The following FOXP2 variants were observed in gnomAD, a reference collection of about 807,000 sequenced individuals.
The protein encoded by FOXP2 is forkhead box P2.
FOXP2 carries 12 observed loss-of-function variants against 115.8 expected under a neutral mutation model. That is an observed-to-expected ratio of 0.10 (90% CI 0.07 to 0.17). The LOEUF is 0.17. FOXP2 is among the 10% of genes least tolerant of loss of function. The probability of loss-of-function intolerance (pLI) is 1.00; values close to 1 mark genes in which losing one functional copy is unlikely to be tolerated. For missense variants in FOXP2, 629 were observed against 843.5 expected, an observed-to-expected ratio of 0.75 and a Z score of 3.15; for synonymous variants, 328 against 297.7, an observed-to-expected ratio of 1.10 and a Z score of -1.05.
chr7:114,539,334 C>G (rs942296922), intron 3 of FOXP2, among the ~76,000 whole-genome samples: 1 of 151,672 alleles, frequency 6.6e-6, no homozygotes, highest in African/African-American at 2.4e-5. Flanking sequence ...ATTTCTTTTT[C>G]AATATTACTT....
At chr7:114,177,964 C>A (rs1793361431) in intron 1 of FOXP2, among the ~76,000 whole-genome samples, 1 of 151,904 alleles carries the variant, frequency 6.6e-6, no homozygotes, top group African/African-American at 2.4e-5. Flanking sequence ...TTCCTCTTTC[C>A]CCCTAGCATC....
At chr7:114,387,230 C>A (rs1562898615) in intron 2 of FOXP2, among the ~76,000 whole-genome samples, 1 of 152,110 alleles carries the variant, frequency 6.6e-6, no homozygotes, top group African/African-American at 2.4e-5. Context: ...TTTGATAACA[C>A]CTGTATTTTG....
intron 2 of FOXP2, among the ~76,000 whole-genome samples, chr7:114,479,690 TG>T (rs1796437784): frequency 6.6e-6 from 1 of 151,626 alleles, no homozygotes; most frequent in Admixed American, 6.6e-5. Context: ...TTGAAATTTT[TG>T]TAAGTATACA....
At chr7:114,093,817 A>C (rs1011279073) in intron 1 of FOXP2, among the ~76,000 whole-genome samples, 2 of 152,034 alleles carry the variant, frequency 1.3e-5, no homozygotes. Flanking sequence ...ATAACACTTA[A>C]ATTTTGAAAG....
intron 1 of FOXP2, among the ~76,000 whole-genome samples, chr7:114,138,413 A>G (rs556634901): frequency 1.7e-3 from 249 of 149,976 alleles, no homozygotes; most frequent in African/African-American, 5.8e-3. Context: ...TTTTTTTGAA[A>G]CAGAGTCTCA....
intron 8 of FOXP2, among the ~76,000 whole-genome samples, chr7:114,648,710 TACTA>T (rs1806058436): frequency 6.6e-6 from 1 of 152,140 alleles, no homozygotes. Context: ...ATCTAGTTGA[TACTA>T]CCTACCTAAC....
intron 1 of FOXP2, among the ~76,000 whole-genome samples, chr7:114,214,817 A>G (rs1009413070): frequency 6.6e-6 from 1 of 152,200 alleles, no homozygotes; most frequent in East Asian, 1.9e-4. Context: ...CCTAGGGAGC[A>G]AAACAACTCT....
chr7:114,112,929 T>TA, intron 1 of FOXP2, among the ~76,000 whole-genome samples: 1 of 152,266 alleles, frequency 6.6e-6, no homozygotes, highest in East Asian at 1.9e-4. Flanking sequence ...GTTGTCTTCA[T>TA]AAAGAGTGAC....
At chr7:114,271,967 T>C (rs1796067715) in intron 1 of FOXP2, among the ~76,000 whole-genome samples, 1 of 133,442 alleles carries the variant, frequency 7.5e-6, no homozygotes, top group Non-Finnish European at 1.6e-5. Context: ...ATATTAATTA[T>C]ATATAATATA....
intron 10 of FOXP2, among the ~76,000 whole-genome samples, chr7:114,654,543 C>G (rs1806466296): frequency 6.6e-6 from 1 of 151,972 alleles, no homozygotes; most frequent in Non-Finnish European, 1.5e-5. Context: ...GTACATTATA[C>G]ATAATGTTAA....
At chr7:114,453,569 T>G (rs1795158661) in intron 2 of FOXP2, among the ~76,000 whole-genome samples, 1 of 152,152 alleles carries the variant, frequency 6.6e-6, no homozygotes. Flanking sequence ...GGGATTAAAA[T>G]TTAAGTAAGA....
chr7:114,528,922 A>G (rs1055837178), intron 2 of FOXP2, among the ~76,000 whole-genome samples: 1 of 151,992 alleles, frequency 6.6e-6, no homozygotes, highest in African/African-American at 2.4e-5. Context: ...GTCCCATGAT[A>G]AACAGAAGTT....
At position 114,564,978 on chromosome 7, in the gene FOXP2, C is replaced by A. The variant is rs538020247; in HGVS notation, c.258+30272C>A. Among the ~76,000 whole-genome samples, 48 of 150,902 alleles carry A rather than the reference C, an allele frequency of 3.2e-4. 1 individual carries two copies. Among genetic ancestry groups the A allele is most frequent in the Middle Eastern group, 6.9e-3 (2 of 290 alleles). ...TAATTCATTAAATATACTATTATAT[C>A]TTATTTAATTCATTAATAAATAGCA... On this transcript the variant is annotated intron_variant, in intron 3 of 16. Coordinates refer to ENST00000350908, the MANE Select transcript of FOXP2 (RefSeq NM_014491.4).
At chr7:114,100,694 A>G (rs1790921104) in intron 1 of FOXP2, among the ~76,000 whole-genome samples, 1 of 152,174 alleles carries the variant, frequency 6.6e-6, no homozygotes, top group African/African-American at 2.4e-5. Context: ...TTAAGAATAG[A>G]GCCTTTTTCA....
At chr7:114,449,852 T>C (rs990641409) in intron 2 of FOXP2, among the ~76,000 whole-genome samples, 3 of 152,120 alleles carry the variant, frequency 2.0e-5, no homozygotes, top group Admixed American at 6.5e-5. Context: ...AAATGATTTA[T>C]GTTGCAAAAA....
intron 1 of FOXP2, among the ~76,000 whole-genome samples, chr7:114,273,128 A>G (rs1796108502): frequency 6.6e-6 from 1 of 151,906 alleles, no homozygotes; most frequent in South Asian, 2.1e-4. Flanking sequence ...ACACATTTTG[A>G]TAAGTTATAT....
intron 2 of FOXP2, among the ~76,000 whole-genome samples, chr7:114,506,041 A>G (rs1797802191): frequency 6.6e-6 from 1 of 151,350 alleles, no homozygotes; most frequent in Admixed American, 6.6e-5. Context: ...TTAAAAAACA[A>G]CAAAAAAAAG....
intron 1 of FOXP2, among the ~76,000 whole-genome samples, chr7:114,282,440 C>A (rs1369677768): frequency 1.3e-5 from 2 of 152,068 alleles, no homozygotes; most frequent in East Asian, 3.9e-4. Flanking sequence ...TTCCTTTATT[C>A]CCTCCTTTGA....
At chr7:114,621,108 G>T (rs558383555) in intron 3 of FOXP2, among the ~76,000 whole-genome samples, 5 of 152,004 alleles carry the variant, frequency 3.3e-5, no homozygotes, top group Admixed American at 3.3e-4. Context: ...GTTAATTTTT[G>T]CACATGAAGC....
Sources: gnomAD v4.1 joint callset for allele counts (sites outside exome capture counted in the v4.1 genomes callset) on GRCh38, gnomAD v4.1.1 for gene constraint, MANE v1.5 for transcripts, NCBI Gene and HGNC (gene_info 2026-07-23, HGNC 2026-07-21) for gene names.